Variants in ANKRD9 observed in about 807,000 individuals in gnomAD.
The protein encoded by ANKRD9 is ankyrin repeat domain-containing protein 9.
ANKRD9 carries 13 observed loss-of-function variants against 19.2 expected under a neutral mutation model. The observed-to-expected ratio is 0.68, with a 90% confidence interval of 0.44 to 1.08. The LOEUF (loss-of-function observed/expected upper bound fraction) is 1.08. Among genes scored for constraint, ANKRD9 ranks in the 50% least tolerant of loss-of-function variants. The pLI is 0.00. For missense variants in ANKRD9, 518 were observed against 499.9 expected, an observed-to-expected ratio of 1.04 and a Z score of -0.34; for synonymous variants, 278 against 256.8, an observed-to-expected ratio of 1.08 and a Z score of -0.79.
rs1197043992 is a variant in ANKRD9, at chr14:102,504,314, T to G, written c.*2622A>C. The G allele has an allele frequency of 1.3e-5, 2 of 152,966 alleles. No homozygotes were observed. Among genetic ancestry groups the G allele is most frequent in the African/African-American group, 4.8e-5 (2 of 41,458 alleles). The allele number at this position is 152,966 out of a possible 1,614,324, so 9.5% of individuals were successfully genotyped here. Reference sequence around the variant, plus strand: ...GAACTAAACAAATGAACCAAGGTGCTTCACCCCCCAAAAAAGTGAGTTTTG... The same window carrying G: ...GAACTAAACAAATGAACCAAGGTGCGTCACCCCCCAAAAAAGTGAGTTTTG... On this transcript the variant is annotated 3_prime_UTR_variant, in exon 4 of 4. Transcript: ENST00000286918.
rs970630663 is a variant in ANKRD9 at position 102,507,486 on chromosome 14, G to C, written c.404C>G (p.Thr135Ser). The change falls in exon 4 of 4, where the codon ACC becomes AGC. Residue 135 changes from threonine (T) to serine (S), a missense_variant. Transcript: ENST00000286918. This position sits in a 1 kb window ranked among gnomAD's most constrained non-coding sequence, Gnocchi z 9.2. ...RVGILRRILR[T>S]LRDFPAEERA... The stretch of plus-strand genomic sequence containing the variant: ...CTCCTCGGCCGGGAAGTCGCGCAAG[G>C]TGCGCAGGATGCGGCGCAGAATGCC... 2 of 1,395,466 alleles carry C rather than the reference G, an allele frequency of 1.4e-6. No homozygotes were observed. Among genetic ancestry groups the C allele is most frequent in the Non-Finnish European group, 9.3e-7 (1 of 1,072,516 alleles). 86.4% of individuals were successfully genotyped at this position (1,395,466 alleles called of 1,614,324 possible).
chr14:102,507,742 G>A lies in ANKRD9; in HGVS notation c.148C>T (p.Leu50=). 2.0e-6 allele frequency: 3 copies of A among 1,503,578 alleles called. No homozygotes were observed. Among genetic ancestry groups the A allele is most frequent in the Non-Finnish European group, 2.7e-6 (3 of 1,127,868 alleles). 93.1% of individuals were successfully genotyped at this position (1,503,578 alleles called of 1,614,324 possible). A position where few individuals can be genotyped will look rare whatever the true frequency, so the allele number is the denominator to read the frequency against. ...GCCTCGCTGGCGCGCATATCCTCCA[G>A]CAGCCACACGGGTAGCAGGTCGCGC... is the stretch of plus-strand genomic sequence containing the variant. ...AVRDLLPVWL[L]EDMRASEAFH... The change falls in exon 4 of 4, where the codon CTG becomes TTG. Residue 50 remains leucine, a synonymous_variant. Coordinates refer to ENST00000286918, the MANE Select transcript of ANKRD9 (RefSeq NM_152326.4). The surrounding 1 kb of genome is among the most constrained non-coding windows in gnomAD (Gnocchi z 9.2).
chr14:102,507,571 A>G lies in ANKRD9; in HGVS notation c.319T>C (p.Phe107Leu). Reference protein sequence around the residue: ...RRALAPPSAGFRCCAAPGPHV... With the variant: ...RRALAPPSAGLRCCAAPGPHV... ...GGCCCGGGAGCCGCGCAGCAGCGGA[A>G]GCCGGCACTGGGCGGTGCGAGCGCG... The change falls in exon 4 of 4, where the codon TTC becomes CTC. Residue 107 changes from phenylalanine (F) to leucine (L), a missense_variant. Transcript: ENST00000286918. The surrounding 1 kb of genome is among the most constrained non-coding windows in gnomAD (Gnocchi z 9.2). 7.3e-7 allele frequency: 1 copy of G among 1,371,112 alleles called. No individual in the cohort carries two copies. Among genetic ancestry groups the G allele is most frequent in the Non-Finnish European group, 9.4e-7 (1 of 1,062,646 alleles). The allele number at this position is 1,371,112 out of a possible 1,614,324, so 84.9% of individuals were successfully genotyped here.
chr14:102,507,532 C>A lies in ANKRD9; in HGVS notation c.358G>T (p.Ala120Ser), dbSNP rs1595158450. Residue 120 changes from alanine (A) to serine (S), a missense_variant, in exon 4 of 4, where the codon GCA (alanine) becomes TCA (serine). By Grantham distance (99) the Ala-to-Ser change is moderately conservative. Coordinates refer to ENST00000286918, the MANE Select transcript of ANKRD9 (RefSeq NM_152326.4). This position sits in a 1 kb window ranked among gnomAD's most constrained non-coding sequence, Gnocchi z 9.2. ...ATGCCCACGCGGTTGTAGCGCACTG[C>A]CAGCGCCACGTGCGGCCCGGGAGCC... ...CAAPGPHVAL[A>S]VRYNRVGILR... 7.4e-7 allele frequency: 1 copy of A among 1,342,898 alleles called. No individual in the cohort carries two copies. The highest frequency in any genetic ancestry group is 2.6e-4 in the Middle Eastern group (1 of 3,850). 83.2% of individuals were successfully genotyped at this position (1,342,898 alleles called of 1,614,324 possible).
rs887269597 is a variant in ANKRD9, at chr14:102,503,889, G to C, written c.*3047C>G. 3.3e-5 allele frequency: 5 copies of C among 152,188 alleles called. No individual in the cohort carries two copies. The highest frequency in any genetic ancestry group is 1.2e-4 in the African/African-American group (5 of 41,416). The allele number at this position is 152,188 out of a possible 1,614,324, so 9.4% of individuals were successfully genotyped here. ...TAACTTAGGAAACTGCTCTCAATACGGAATTTTAAAGTTGGTGAGGAAGTC... is the reference window on the plus strand; with the variant it reads ...TAACTTAGGAAACTGCTCTCAATACCGAATTTTAAAGTTGGTGAGGAAGTC... On this transcript the variant is annotated 3_prime_UTR_variant, in exon 4 of 4. Transcript: ENST00000286918.
In ANKRD9 at chr14:102,508,529, C is replaced by G. The variant is rs79267427; in HGVS notation, c.-108G>C. 6 of 152,228 alleles carry G rather than the reference C, an allele frequency of 3.9e-5. No homozygotes were observed. The East Asian group carries it at 1.2e-3, about 29-fold the overall frequency. The allele number at this position is 152,228 out of a possible 1,614,324, so 9.4% of individuals were successfully genotyped here. ...CGGGGATGTGGGTATATCACAGTCC[C>G]TGGCCGAGCCTCAGCTTTATCTGTA... is the stretch of plus-strand genomic sequence containing the variant. On this transcript the variant is annotated 5_prime_UTR_variant, in exon 3 of 4. Coordinates refer to ENST00000286918, the MANE Select transcript of ANKRD9 (RefSeq NM_152326.4). The surrounding 1 kb of genome is among the most constrained non-coding windows in gnomAD (Gnocchi z 6.2).
In ANKRD9 at chr14:102,503,319, T is replaced by TGTC. The variant is rs1891496774; in HGVS notation, c.*3614_*3616dup. On this transcript the variant is annotated 3_prime_UTR_variant, in exon 4 of 4. Coordinates refer to ENST00000286918, the MANE Select transcript of ANKRD9 (RefSeq NM_152326.4). ...TTTTTTTTGAGATGGAGTCTTGCTC[T>TGTC]GTCGCCCAGGCTGGAGTGCAATGGC... is the stretch of plus-strand genomic sequence containing the variant. The TGTC allele has an allele frequency of 7.0e-6, 1 of 142,050 alleles. No individual in the cohort carries two copies. The highest frequency in any genetic ancestry group is 1.5e-5 in the Non-Finnish European group (1 of 65,944). The allele number at this position is 142,050 out of a possible 1,614,324, so 8.8% of individuals were successfully genotyped here.
In ANKRD9 at chr14:102,508,929, G is replaced by A. The variant is rs8007356; in HGVS notation, c.-334-83C>T. On this transcript the variant is annotated intron_variant, in intron 1 of 3. Coordinates refer to ENST00000286918, the MANE Select transcript of ANKRD9 (RefSeq NM_152326.4). This position sits in a 1 kb window ranked among gnomAD's most constrained non-coding sequence, Gnocchi z 6.2. ...CCCAACCCACAGGCAATCGAGCTTAGGCCCTGACCCTGCCCTCTGAGTCCC... is the reference window on the plus strand; with the variant it reads ...CCCAACCCACAGGCAATCGAGCTTAAGCCCTGACCCTGCCCTCTGAGTCCC... The A allele has an allele frequency of 0.37, 56,142 of 151,708 alleles. 11,152 individuals are homozygous for A. Among genetic ancestry groups the A allele is most frequent in the East Asian group, 0.57 (2,908 of 5,110 alleles). 9.4% of individuals were successfully genotyped at this position (151,708 alleles called of 1,614,324 possible).
chr14:102,506,860 AATAT>A lies in ANKRD9; in HGVS notation c.*72_*75del, dbSNP rs966531226. 83 of 1,365,406 alleles carry A rather than the reference AATAT, an allele frequency of 6.1e-5. No homozygotes were observed. The highest frequency in any genetic ancestry group is 7.2e-5 in the Non-Finnish European group (76 of 1,059,808). 84.6% of individuals were successfully genotyped at this position (1,365,406 alleles called of 1,614,324 possible). ...GCAGAGATTGTGCCGTACAGAGATCAATATATATAAAGTGCCGGTACAACGCTCT... is the reference window on the plus strand; with the variant it reads ...GCAGAGATTGTGCCGTACAGAGATCAATATAAAGTGCCGGTACAACGCTCT... On this transcript the variant is annotated 3_prime_UTR_variant, in exon 4 of 4. Coordinates refer to ENST00000286918, the MANE Select transcript of ANKRD9 (RefSeq NM_152326.4).
Position 102,506,941 on chromosome 14 carries a change from C to G in ANKRD9, c.949G>C (p.Gly317Arg), listed in dbSNP as rs1285985906. ...GCGCCTAGGGTGCTCCGGGCCTAGC[C>G]TTTGCCAGTGAGGTCCAACGGCTGC... ...FLQPLDLTGK[G>R] is the part of the protein sequence containing the mutation. Residue 317 changes from glycine to arginine, a missense_variant, in exon 4 of 4, where the codon GGC becomes CGC. Coordinates refer to ENST00000286918, the MANE Select transcript of ANKRD9 (RefSeq NM_152326.4). 1.1e-5 allele frequency: 16 copies of G among 1,513,710 alleles called. No individual in the cohort carries two copies. The highest frequency in any genetic ancestry group is 1.4e-5 in the Non-Finnish European group (16 of 1,129,122). The allele number at this position is 1,513,710 out of a possible 1,614,324, so 93.8% of individuals were successfully genotyped here. A position where few individuals can be genotyped will look rare whatever the true frequency, so the allele number is the denominator to read the frequency against.
rs1891486271 is a variant in ANKRD9, at chr14:102,503,049, C to T, written c.*3887G>A. ...CCAACATGCTGAAACCCAGTCTCTA[C>T]TACAAATACAAAAATTAGCCGGGCG... On this transcript the variant is annotated 3_prime_UTR_variant, in exon 4 of 4. Transcript: ENST00000286918. 6.6e-6 allele frequency: 1 copy of T among 151,884 alleles called. No homozygotes were observed. Among genetic ancestry groups the T allele is most frequent in the Non-Finnish European group, 1.5e-5 (1 of 67,998 alleles). The allele number at this position is 151,884 out of a possible 1,614,324, so 9.4% of individuals were successfully genotyped here. A position where few individuals can be genotyped will look rare whatever the true frequency, so the allele number is the denominator to read the frequency against.
In ANKRD9 at chr14:102,502,516, T is replaced by C. The variant is rs1371305651; in HGVS notation, c.*4420A>G. 6.6e-6 allele frequency: 1 copy of C among 152,608 alleles called. No homozygotes were observed. The highest frequency in any genetic ancestry group is 2.4e-5 in the African/African-American group (1 of 41,446). 9.5% of individuals were successfully genotyped at this position (152,608 alleles called of 1,614,324 possible). A position where few individuals can be genotyped will look rare whatever the true frequency, so the allele number is the denominator to read the frequency against. ...AACTACTCTTTGTTATCAAGGCTGGTTGAGTCAAATATCACAAAGTAGACA... is the reference window on the plus strand; with the variant it reads ...AACTACTCTTTGTTATCAAGGCTGGCTGAGTCAAATATCACAAAGTAGACA... On this transcript the variant is annotated 3_prime_UTR_variant, in exon 4 of 4. Transcript: ENST00000286918.
Position 102,502,078 on chromosome 14 carries a change from G to C in ANKRD9, c.*4858C>G, listed in dbSNP as rs1884012427. 6.6e-6 allele frequency: 1 copy of C among 152,266 alleles called. No individual in the cohort carries two copies. The highest frequency in any genetic ancestry group is 2.1e-4 in the South Asian group (1 of 4,832). 9.4% of individuals were successfully genotyped at this position (152,266 alleles called of 1,614,324 possible). A position where few individuals can be genotyped will look rare whatever the true frequency, so the allele number is the denominator to read the frequency against. On this transcript the variant is annotated 3_prime_UTR_variant, in exon 4 of 4. Coordinates refer to ENST00000286918, the MANE Select transcript of ANKRD9 (RefSeq NM_152326.4). ...GGCATTTGGGAACAGCCATGTTAACGTGAGCAAATTCCTCTCATGAAATAG... is the reference window on the plus strand; with the variant it reads ...GGCATTTGGGAACAGCCATGTTAACCTGAGCAAATTCCTCTCATGAAATAG...
chr14:102,509,515 G>GCCCC lies in ANKRD9; in HGVS notation c.-335+13_-335+14insGGGG. 1 of 133,230 alleles carries GCCCC rather than the reference G, an allele frequency of 7.5e-6. No homozygotes were observed. Among genetic ancestry groups the GCCCC allele is most frequent in the Non-Finnish European group, 1.6e-5 (1 of 62,092 alleles). 8.3% of individuals were successfully genotyped at this position (133,230 alleles called of 1,614,324 possible). A position where few individuals can be genotyped will look rare whatever the true frequency, so the allele number is the denominator to read the frequency against. ...GCGGCGGCCGCGGGCGCGGCGCGGG[G>GCCCC]GACGGGGACTCACCATGGGGGGCGC... On this transcript the variant is annotated intron_variant, in intron 1 of 3. Coordinates refer to ENST00000286918, the MANE Select transcript of ANKRD9 (RefSeq NM_152326.4).
Position 102,509,520 on chromosome 14 carries a change from G to A in ANKRD9, c.-335+9C>T, listed in dbSNP as rs1289946620. 2 of 121,812 alleles carry A rather than the reference G, an allele frequency of 1.6e-5. No individual in the cohort carries two copies. The highest frequency in any genetic ancestry group is 1.6e-4 in the Admixed American group (2 of 12,348). 7.5% of individuals were successfully genotyped at this position (121,812 alleles called of 1,614,324 possible). On this transcript the variant is annotated intron_variant, in intron 1 of 3. Coordinates refer to ENST00000286918, the MANE Select transcript of ANKRD9 (RefSeq NM_152326.4). ...GGCCGCGGGCGCGGCGCGGGGGACG[G>A]GGACTCACCATGGGGGGCGCGGGGG...
In ANKRD9 at chr14:102,509,753, C is replaced by T. The variant is rs1271893869; in HGVS notation, c.-559G>A. The T allele has an allele frequency of 1.4e-5, 2 of 146,208 alleles. No individual in the cohort carries two copies. The highest frequency in any genetic ancestry group is 2.1e-4 in the South Asian group (1 of 4,812). The allele number at this position is 146,208 out of a possible 1,614,324, so 9.1% of individuals were successfully genotyped here. A position where few individuals can be genotyped will look rare whatever the true frequency, so the allele number is the denominator to read the frequency against. Reference sequence around the variant, plus strand: ...GCGGCGGGCGGCGGGCGGCGGGCGGCGCAGTGCGGCCCCGGCCAGGCAGGA... The same window carrying T: ...GCGGCGGGCGGCGGGCGGCGGGCGGTGCAGTGCGGCCCCGGCCAGGCAGGA... On this transcript the variant is annotated 5_prime_UTR_variant, in exon 1 of 4. Transcript: ENST00000286918.
rs1487460880 is a variant in ANKRD9, at chr14:102,508,209, C to T, written c.-54+266G>A. ...CCTCTGCTGGAAATGCCCTTGCTGC[C>T]CATGCCCTCAAATCTCCCCTCCCCT... On this transcript the variant is annotated intron_variant, in intron 3 of 3. Transcript: ENST00000286918. This position sits in a 1 kb window ranked among gnomAD's most constrained non-coding sequence, Gnocchi z 6.2. 6.6e-6 allele frequency among the ~76,000 whole-genome samples: 1 copy of T among 152,166 alleles called. No homozygotes were observed. Among genetic ancestry groups the T allele is most frequent in the East Asian group, 1.9e-4 (1 of 5,198 alleles).
chr14:102,503,841 C>A lies in ANKRD9; in HGVS notation c.*3095G>T, dbSNP rs1190170099. The A allele has an allele frequency of 6.6e-6, 1 of 152,222 alleles. No individual in the cohort carries two copies. The highest frequency in any genetic ancestry group is 1.5e-5 in the Non-Finnish European group (1 of 68,042). 9.4% of individuals were successfully genotyped at this position (152,222 alleles called of 1,614,324 possible). On this transcript the variant is annotated 3_prime_UTR_variant, in exon 4 of 4. Coordinates refer to ENST00000286918, the MANE Select transcript of ANKRD9 (RefSeq NM_152326.4). ...CGCCCTCCCAACTTCCAGGAAGAAC[C>A]TTCTTCTGAATAGGATTTGAGGTAA...
rs1049705526 is a variant in ANKRD9, at chr14:102,507,062, G to A, written c.828C>T (p.Pro276=). ...KFQWLAGLAP[P]SLFARAMQVL... is the part of the protein sequence containing the mutation. ...CCTGCATGGCGCGCGCGAAGAGCGA[G>A]GGCGGCGCCAGGCCCGCCAGCCACT... The change falls in exon 4 of 4, where the codon CCC becomes CCT. Residue 276 remains proline, a synonymous_variant. Coordinates refer to ENST00000286918, the MANE Select transcript of ANKRD9 (RefSeq NM_152326.4). The surrounding 1 kb of genome is among the most constrained non-coding windows in gnomAD (Gnocchi z 9.2). The A allele has an allele frequency of 6.4e-7, 1 of 1,555,104 alleles. No individual in the cohort carries two copies. Among genetic ancestry groups the A allele is most frequent in the African/African-American group, 1.4e-5 (1 of 72,344 alleles).
Sources: gnomAD v4.1 joint callset for allele counts (sites outside exome capture counted in the v4.1 genomes callset) on GRCh38, gnomAD v4.1.1 for gene constraint, Gnocchi (gnomAD v3.1) non-coding constraint, MANE v1.5 for transcripts, NCBI Gene and HGNC (gene_info 2026-07-23, HGNC 2026-07-21) for gene names.